The following PVT1 variants were observed in gnomAD, a reference collection of about 807,000 sequenced individuals.
PVT1 encodes the protein Pvt1 oncogene, also known as CXCR4/PVT1 fusion.
At chr8:128,045,272 C>T (rs1017134881) in intron 4 of PVT1, among the ~76,000 whole-genome samples, 2 of 152,110 alleles carry the variant, frequency 1.3e-5, no homozygotes, top group Non-Finnish European at 2.9e-5. Context: ...CTCCTTGACT[C>T]CTCCCTTCTC....
At chr8:127,841,466 G>C (rs745866503) in intron 2 of PVT1, among the ~76,000 whole-genome samples, 4 of 152,058 alleles carry the variant, frequency 2.6e-5, no homozygotes, top group Admixed American at 1.3e-4. Flanking sequence ...TAGAGAGGGG[G>C]TTTTGCCATG....
chr8:127,817,510 A>AATAG (rs770812998), intron 2 of PVT1, among the ~76,000 whole-genome samples: 3 of 115,418 alleles, frequency 2.6e-5, no homozygotes, highest in Non-Finnish European at 5.0e-5. Flanking sequence ...TATATATTTA[A>AATAG]ATAGATATAT....
intron 4 of PVT1, among the ~76,000 whole-genome samples, chr8:128,014,565 G>T (rs1416389664): frequency 6.6e-6 from 1 of 152,194 alleles, no homozygotes; most frequent in Non-Finnish European, 1.5e-5. Flanking sequence ...GCCGTGTCTG[G>T]CCGTGGGCGG....
At chr8:127,890,762 C>T (rs1815591001) in exon 3 of PVT1, 1 of 152,270 alleles carries the variant, frequency 6.6e-6, no homozygotes, top group Non-Finnish European at 1.5e-5. Flanking sequence ...ACACGCCCGG[C>T]ACATTTCAGG....
chr8:128,086,643 C>A (rs1001941192), intron 5 of PVT1, among the ~76,000 whole-genome samples: 1 of 152,238 alleles, frequency 6.6e-6, no homozygotes, highest in Admixed American at 6.5e-5. Flanking sequence ...CAGAGAATTT[C>A]TTTTCATCCA....
chr8:128,012,706 T>C (rs1817327619), intron 4 of PVT1, among the ~76,000 whole-genome samples: 1 of 152,206 alleles, frequency 6.6e-6, no homozygotes, highest in Admixed American at 6.5e-5. Flanking sequence ...CCTCAGCAAT[T>C]TCTCGGCTGC....
At chr8:127,855,648 G>A (rs529449633) in intron 2 of PVT1, among the ~76,000 whole-genome samples, 1 of 152,160 alleles carries the variant, frequency 6.6e-6, no homozygotes, top group South Asian at 2.1e-4. Context: ...CACCTTTCCC[G>A]GTGAACTCCC....
intron 2 of PVT1, among the ~76,000 whole-genome samples, chr8:127,880,106 A>G (rs1018139427): frequency 1.3e-5 from 2 of 152,232 alleles, no homozygotes; most frequent in African/African-American, 4.8e-5. Context: ...CCTGGTTATC[A>G]ACAAATGTCC....
chr8:127,953,827 T>G (rs11777257), intron 3 of PVT1, among the ~76,000 whole-genome samples: 75,787 of 151,750 alleles, frequency 0.5, 19,316 homozygotes, highest in Admixed American at 0.62. Context: ...TTCTTTTCTT[T>G]TGTTTCCTTT....
chr8:127,889,031 TCTTTCTTTCTTCCTTC>T (rs1479199618), intron 2 of PVT1, among the ~76,000 whole-genome samples: 24 of 61,012 alleles, frequency 3.9e-4, no homozygotes, highest in African/African-American at 1.3e-3. Flanking sequence ...TTCCTTTCTC[TCTTTCTTTCTTCCTTC>T]CTTCCTTCCT....
At chr8:127,900,189 G>A (rs1815741092) in intron 3 of PVT1, among the ~76,000 whole-genome samples, 3 of 151,814 alleles carry the variant, frequency 2.0e-5, no homozygotes, top group Non-Finnish European at 1.5e-5. Flanking sequence ...CTGCAGGCGC[G>A]TACCACCACA....
At chr8:127,829,820 C>T (rs543849028) in intron 2 of PVT1, among the ~76,000 whole-genome samples, 1 of 152,296 alleles carries the variant, frequency 6.6e-6, no homozygotes, top group South Asian at 2.1e-4. Flanking sequence ...GATATTTATT[C>T]TCTTGCAGTT....
At chr8:127,804,567 A>G (rs978817490) in intron 2 of PVT1, among the ~76,000 whole-genome samples, 4 of 128,040 alleles carry the variant, frequency 3.1e-5, no homozygotes, top group African/African-American at 1.2e-4. Context: ...TTGAGACAGC[A>G]TCTCATTCTG....
At chr8:128,013,651 C>G (rs990789508) in intron 4 of PVT1, among the ~76,000 whole-genome samples, 14 of 152,170 alleles carry the variant, frequency 9.2e-5, no homozygotes, top group Non-Finnish European at 2.9e-5. Flanking sequence ...GAGACTAGAA[C>G]AAATGGTCCT....
intron 4 of PVT1, among the ~76,000 whole-genome samples, chr8:128,038,379 C>G (rs139769768): frequency 6.3e-4 from 96 of 152,186 alleles, no homozygotes; most frequent in African/African-American, 2.3e-3. Flanking sequence ...CTGGCACTTC[C>G]CTGGGTGTGA....
chr8:127,836,366 G>A (rs1195935153), intron 2 of PVT1, among the ~76,000 whole-genome samples: 2 of 152,094 alleles, frequency 1.3e-5, no homozygotes, highest in Non-Finnish European at 2.9e-5. Context: ...ATAGGTAAAC[G>A]TGTGCCATGG....
chr8:128,060,125 G>A (rs866629038), intron 4 of PVT1, among the ~76,000 whole-genome samples: 13 of 152,070 alleles, frequency 8.5e-5, no homozygotes, highest in Non-Finnish European at 1.9e-4. Flanking sequence ...GTGTGGCAGC[G>A]TGCACCTGTA....
At chr8:127,916,892 G>C (rs1815992450) in intron 3 of PVT1, among the ~76,000 whole-genome samples, 1 of 152,200 alleles carries the variant, frequency 6.6e-6, no homozygotes, top group Non-Finnish European at 1.5e-5. Flanking sequence ...CACAAGCTAG[G>C]GGAGCGTGAG....
intron 3 of PVT1, among the ~76,000 whole-genome samples, chr8:127,914,260 CAAAAAAAAAAAAAAAAAAAAAAAAAAA>C (rs60359946): frequency 1.3e-3 from 61 of 47,864 alleles, no homozygotes; most frequent in Non-Finnish European, 2.3e-3. Flanking sequence ...CCACCAACAG[CAAAAAAAAAAAAAAAAAAAAAAAAAAA>C]AAAAAAAAAA....
Sources: allele counts gnomAD v4.1 joint callset (sites outside exome capture counted in the v4.1 genomes callset), GRCh38; gene constraint gnomAD v4.1.1; transcripts MANE v1.5; gene names NCBI Gene and HGNC (gene_info 2026-07-23, HGNC 2026-07-21).